ATG10: variants seen among roughly 807,000 people sequenced by gnomAD.
ATG10 encodes the protein autophagy related 10.
ATG10 carries 30 observed loss-of-function variants against 32.1 expected under a neutral mutation model. The observed-to-expected ratio is 0.94, with a 90% confidence interval of 0.70 to 1.27. The LOEUF (loss-of-function observed/expected upper bound fraction) is 1.27. Among genes scored for constraint, ATG10 ranks in the 50% most tolerant of loss-of-function variants. The probability of loss-of-function intolerance (pLI) is 0.00; values close to 1 mark genes in which losing one functional copy is unlikely to be tolerated. For synonymous variants in ATG10, 87 were observed against 91.5 expected (o/e 0.95, Z 0.28); for missense variants, 233 against 262.3 (o/e 0.89, Z 0.77).
At chr5:82,124,018 G>C (rs926491443) in intron 3 of ATG10, among the ~76,000 whole-genome samples, 2 of 151,518 alleles carry the variant, frequency 1.3e-5, no homozygotes, top group Admixed American at 6.6e-5. Context: ...AAAAGGAAAT[G>C]GTGGAGTTAA....
At chr5:82,212,793 G>A (rs1293552174) in intron 5 of ATG10, among the ~76,000 whole-genome samples, 1 of 151,946 alleles carries the variant, frequency 6.6e-6, no homozygotes, top group African/African-American at 2.4e-5. Context: ...TATTGGACGT[G>A]TAAATGTTAG....
chr5:82,149,127 C>G (rs933426424), intron 3 of ATG10, among the ~76,000 whole-genome samples: 1 of 151,978 alleles, frequency 6.6e-6, no homozygotes, highest in Non-Finnish European at 1.5e-5. Context: ...TGGCCAAGAT[C>G]TTTAGGACTC....
At chr5:81,989,715 A>G (rs1159526029) in intron 2 of ATG10, among the ~76,000 whole-genome samples, 1 of 151,826 alleles carries the variant, frequency 6.6e-6, no homozygotes, top group East Asian at 1.9e-4. Flanking sequence ...CTCCTGCCTC[A>G]GCCTCTTCGA....
In ATG10 at chr5:82,065,256, C is replaced by T. The variant is rs532249746; in HGVS notation, c.216+6654C>T. On this transcript the variant is annotated intron_variant, in intron 3 of 7. Transcript: ENST00000282185. ...ATCCCAGCACTTTGGGAGGCCGAGT[C>T]GGGGCGGATCACTTGAGGCTGTGAG... 1.3e-4 allele frequency among the ~76,000 whole-genome samples: 20 copies of T among 152,068 alleles called. No homozygotes were observed. In the South Asian group the frequency reaches 3.5e-3, roughly 27 times the overall value.
intron 5 of ATG10, among the ~76,000 whole-genome samples, chr5:82,218,498 A>C (rs1745786924): frequency 6.6e-6 from 1 of 152,134 alleles, no homozygotes; most frequent in African/African-American, 2.4e-5. Context: ...GGAGTGGTGG[A>C]GATAGACCCA....
chr5:82,241,825 A>G (rs6871113), intron 5 of ATG10, among the ~76,000 whole-genome samples: 6,787 of 151,900 alleles, frequency 0.045, 521 homozygotes, highest in African/African-American at 0.16. Context: ...CTTACTATGT[A>G]CAAAACAGAT....
At chr5:82,103,221 G>A (rs1424610001) in intron 3 of ATG10, among the ~76,000 whole-genome samples, 1 of 152,092 alleles carries the variant, frequency 6.6e-6, no homozygotes, top group Non-Finnish European at 1.5e-5. Context: ...TAATAAATAT[G>A]TTTTGATCTT....
In ATG10 at chr5:82,072,459, C is replaced by T. The variant is rs532294708; in HGVS notation, c.216+13857C>T. On this transcript the variant is annotated intron_variant, in intron 3 of 7. Coordinates refer to ENST00000282185, the MANE Select transcript of ATG10 (RefSeq NM_031482.5). ...AAGATCCATAGCTTATTTATCTTTGCAGCACTTTCCCAGGGGATGATTTTG... is the reference window on the plus strand; with the variant it reads ...AAGATCCATAGCTTATTTATCTTTGTAGCACTTTCCCAGGGGATGATTTTG... Among the ~76,000 whole-genome samples, 3 of 152,204 alleles carry T rather than the reference C, an allele frequency of 2.0e-5. No individual in the cohort carries two copies. In the East Asian group the frequency reaches 5.8e-4, roughly 29 times the overall value.
At chr5:82,003,182 T>A (rs975212892) in intron 2 of ATG10, among the ~76,000 whole-genome samples, 2 of 152,226 alleles carry the variant, frequency 1.3e-5, no homozygotes, top group Admixed American at 6.5e-5. Flanking sequence ...AGCCAAGATT[T>A]ACAATGTAAG....
At chr5:81,996,701 G>T (rs895813992) in intron 2 of ATG10, among the ~76,000 whole-genome samples, 1 of 152,218 alleles carries the variant, frequency 6.6e-6, no homozygotes, top group Non-Finnish European at 1.5e-5. Context: ...AGTAAAATTT[G>T]TAGACGGAAT....
intron 5 of ATG10, among the ~76,000 whole-genome samples, chr5:82,182,752 C>T (rs1744282226): frequency 6.6e-6 from 1 of 152,054 alleles, no homozygotes; most frequent in Non-Finnish European, 1.5e-5. Flanking sequence ...CTATTAAAGG[C>T]AACGTGAGGG....
intron 3 of ATG10, among the ~76,000 whole-genome samples, chr5:82,122,219 G>A (rs1766071642): frequency 6.6e-6 from 1 of 151,906 alleles, no homozygotes; most frequent in South Asian, 2.1e-4. Context: ...AGTGTTGGGA[G>A]GGTATATGAT....
intron 5 of ATG10, among the ~76,000 whole-genome samples, chr5:82,193,748 TAAAC>T: frequency 6.6e-6 from 1 of 152,354 alleles, no homozygotes; most frequent in East Asian, 1.9e-4. Context: ...TTGGTAGAAA[TAAAC>T]AGCAAAATCA....
chr5:82,136,711 G>A (rs930179634), intron 3 of ATG10, among the ~76,000 whole-genome samples: 5 of 152,132 alleles, frequency 3.3e-5, no homozygotes, highest in Non-Finnish European at 5.9e-5. Context: ...TTCTCAAGGA[G>A]TTTCTTTGTG....
intron 3 of ATG10, among the ~76,000 whole-genome samples, chr5:82,118,037 A>G (rs554622774): frequency 4.6e-5 from 7 of 152,132 alleles, no homozygotes; most frequent in Admixed American, 1.3e-4. Context: ...ATTGAGCAAG[A>G]CAATAATGAT....
intron 3 of ATG10, chr5:82,147,300 C>G (rs1216348651): frequency 1.0e-5 from 2 of 198,786 alleles, no homozygotes; most frequent in Non-Finnish European, 2.1e-5. Context: ...TTCCGAGTAA[C>G]TGGGACTACA....
intron 2 of ATG10, among the ~76,000 whole-genome samples, chr5:81,989,356 T>C (rs557943282): frequency 5.9e-5 from 9 of 152,150 alleles, no homozygotes; most frequent in African/African-American, 1.9e-4. Flanking sequence ...AGAGTGTCAC[T>C]GGGGAAACAA....
intron 3 of ATG10, among the ~76,000 whole-genome samples, chr5:82,095,509 C>G (rs1175647139): frequency 2.0e-5 from 3 of 152,092 alleles, no homozygotes; most frequent in Non-Finnish European, 4.4e-5. Context: ...TTAGCAAATA[C>G]TAATTATCTC....
At chr5:82,194,634 G>A (rs987528390) in intron 5 of ATG10, among the ~76,000 whole-genome samples, 3 of 152,194 alleles carry the variant, frequency 2.0e-5, no homozygotes, top group African/African-American at 7.2e-5. Context: ...TTTGTTGAGT[G>A]ATTGAATAAA....
Sources: gnomAD v4.1 joint callset for allele counts (sites outside exome capture counted in the v4.1 genomes callset) on GRCh38, gnomAD v4.1.1 for gene constraint, MANE v1.5 for transcripts, NCBI Gene and HGNC (gene_info 2026-07-23, HGNC 2026-07-21) for gene names.